ABCC8: variants seen among roughly 807,000 people sequenced by gnomAD.
The protein encoded by ABCC8 is ATP-binding cassette sub-family C member 8.
Under a neutral mutation model 188.0 loss-of-function variants are expected in ABCC8, and 137 were observed. That is an observed-to-expected ratio of 0.73 (90% CI 0.63 to 0.84). The LOEUF (loss-of-function observed/expected upper bound fraction) is 0.84. Ranked by LOEUF, ABCC8 falls within the 40% of genes least tolerant of loss-of-function variation. The pLI, the probability that ABCC8 is intolerant of heterozygous loss-of-function variation, is 0.00. For missense variants in ABCC8, 1,750 were observed against 2,072.7 expected, an observed-to-expected ratio of 0.84 and a Z score of 3.02; for synonymous variants, 797 against 846.5, an observed-to-expected ratio of 0.94 and a Z score of 1.01.
In ABCC8 at chr11:17,467,087, A is replaced by ACACACAC. The variant is rs1404390064; in HGVS notation, c.412+3013_412+3014insGTGTGTG. On this transcript the variant is annotated intron_variant, in intron 3 of 38. Coordinates refer to ENST00000389817, the MANE Select transcript of ABCC8 (RefSeq NM_000352.6). ...ACACACACACACACACACACACACA[A>ACACACAC]CTTCCCATTGCTGTTGGGATAAAGG... 6.3e-4 allele frequency among the ~76,000 whole-genome samples: 26 copies of ACACACAC among 41,320 alleles called. No homozygotes were observed. The East Asian group carries it at 0.022, about 35-fold the overall frequency. 27.1% of individuals were successfully genotyped at this position (41,320 alleles called of 152,430 possible).
intron 6 of ABCC8, 21 bp from the exon 7 acceptor site, chr11:17,453,304 G>T (rs1339207975): frequency 6.2e-6 from 10 of 1,613,756 alleles, no homozygotes; most frequent in Non-Finnish European, 5.1e-6. Flanking sequence ...GAGAAGTTCA[G>T]AGGTGACTGT....
intron 36 of ABCC8, 98 bp from the exon 37 acceptor site, chr11:17,394,497 A>T (rs1202104433): frequency 6.3e-7 from 1 of 1,583,102 alleles, no homozygotes; most frequent in Non-Finnish European, 8.6e-7. Flanking sequence ...AAATGTGTGC[A>T]TGGGGGCAAA....
At chr11:17,464,400 T>C (rs1348625717) in intron 3 of ABCC8, among the ~76,000 whole-genome samples, 1 of 152,212 alleles carries the variant, frequency 6.6e-6, no homozygotes. Context: ...TTAGTGGTGG[T>C]GGCTCCGCAG....
At chr11:17,416,837 C>T in intron 17 of ABCC8, 93 bp downstream of exon 17, 1 of 1,537,562 alleles carries the variant, frequency 6.5e-7, no homozygotes, top group African/African-American at 1.4e-5. Flanking sequence ...TCCCTGAATC[C>T]ATACTCAGCA....
At chr11:17,435,810 G>A in intron 10 of ABCC8, 2 of 1,278,948 alleles carry the variant, frequency 1.6e-6, no homozygotes, top group Non-Finnish European at 2.3e-6. Context: ...TATGATACAT[G>A]AGAGGGAAGA....
At chr11:17,436,818 G>A (rs1409654072) in intron 10 of ABCC8, among the ~76,000 whole-genome samples, 1 of 152,166 alleles carries the variant, frequency 6.6e-6, no homozygotes, top group Non-Finnish European at 1.5e-5. Context: ...GCTGGGCACA[G>A]TGGCTCACGC....
At chr11:17,476,549 C>A (rs535123446) in intron 1 of ABCC8, 80 bp downstream of exon 1, 14 of 1,530,570 alleles carry the variant, frequency 9.1e-6, no homozygotes, top group Non-Finnish European at 1.2e-5. Flanking sequence ...AAGGGGACGC[C>A]GAGCGGTGCG....
At position 17,428,300 on chromosome 11, in the gene ABCC8, A is replaced by G. The variant is rs1955681663; in HGVS notation, c.2029T>C (p.Cys677Arg). ...GCAGCAGGACTCACCTGGACACAGC[A>G]GTTGTCAGCATCGCCATCTGCACTG... ...VPSADGDADN[C>R]CVQIMGGYFT... The change falls in exon 14 of 39, where the codon TGC (cysteine) becomes CGC (arginine). Residue 677 changes from cysteine to arginine, a missense_variant. Physicochemically the swap from Cys to Arg is radical, Grantham distance 180. Coordinates refer to ENST00000389817, the MANE Select transcript of ABCC8 (RefSeq NM_000352.6). The G allele has an allele frequency of 1.2e-6, 2 of 1,614,152 alleles. No individual in the cohort carries two copies. The highest frequency in any genetic ancestry group is 4.5e-5 in the East Asian group (2 of 44,866).
Position 17,404,553 on chromosome 11 carries a change from G to T in ABCC8, c.3516C>A (p.Ile1172=), listed in dbSNP as rs142155036. The change falls in exon 28 of 39, where the codon ATC becomes ATA. Residue 1172 remains isoleucine, a synonymous_variant. Coordinates refer to ENST00000389817, the MANE Select transcript of ABCC8 (RefSeq NM_000352.6). This position sits in a 1 kb window ranked among gnomAD's most constrained non-coding sequence, Gnocchi z 4.7. ...VFLVALLPLA[I]VCYFIQKYFR... is the part of the protein sequence containing the mutation. Reference sequence around the variant, plus strand: ...AGTACTTCTGGATGAAGTAGCACACGATGGCCAGGGGCAAGAGGGCCACGA... The same window carrying T: ...AGTACTTCTGGATGAAGTAGCACACTATGGCCAGGGGCAAGAGGGCCACGA... 7 of 1,614,064 alleles carry T rather than the reference G, an allele frequency of 4.3e-6. No individual in the cohort carries two copies. Among genetic ancestry groups the T allele is most frequent in the Non-Finnish European group, 5.9e-6 (7 of 1,179,994 alleles).
At chr11:17,411,717 G>A (rs1352942424) in intron 21 of ABCC8, among the ~76,000 whole-genome samples, 1 of 152,002 alleles carries the variant, frequency 6.6e-6, no homozygotes, top group Non-Finnish European at 1.5e-5. Flanking sequence ...AGTTTATGCC[G>A]CACAGTTTGG....
At chr11:17,457,719 A>G (rs1453239022) in intron 6 of ABCC8, among the ~76,000 whole-genome samples, 3 of 152,222 alleles carry the variant, frequency 2.0e-5, no homozygotes, top group Non-Finnish European at 4.4e-5. Context: ...GGCAAGTCAC[A>G]GACACTTTCA....
rs1056958382 is a variant in ABCC8, at chr11:17,427,453, A to T, written c.2117-299T>A. On this transcript the variant is annotated intron_variant, in intron 15 of 38. Coordinates refer to ENST00000389817, the MANE Select transcript of ABCC8 (RefSeq NM_000352.6). The surrounding 1 kb of genome is among the most constrained non-coding windows in gnomAD (Gnocchi z 5.0). ...CCCAGGCTCCTTGTGGTCCCAAGAA[A>T]CACCATCCTGGGTCCCACCTCCAAC... 1.3e-5 allele frequency among the ~76,000 whole-genome samples: 2 copies of T among 152,022 alleles called. No individual in the cohort carries two copies. Among genetic ancestry groups the T allele is most frequent in the African/African-American group, 4.8e-5 (2 of 41,362 alleles).
chr11:17,397,707 G>A lies in ABCC8; in HGVS notation c.3844C>T (p.Leu1282=). 6.2e-7 allele frequency: 1 copy of A among 1,613,334 alleles called. No homozygotes were observed. The highest frequency in any genetic ancestry group is 8.5e-7 in the Non-Finnish European group (1 of 1,179,998). Reference sequence around the variant, plus strand: ...ACCATTAGGGCGTAGGTAAGGCCCAGGCCCACCAGGCCAGCAGAGAGCTCC... The same window carrying A: ...ACCATTAGGGCGTAGGTAAGGCCCAAGCCCACCAGGCCAGCAGAGAGCTCC... ...HRELSAGLVG[L]GLTYALMVSN... Residue 1282 remains leucine (L), a synonymous_variant, in exon 31 of 39, where the codon CTG becomes TTG. Coordinates refer to ENST00000389817, the MANE Select transcript of ABCC8 (RefSeq NM_000352.6).
intron 6 of ABCC8, among the ~76,000 whole-genome samples, chr11:17,455,166 A>G (rs747398623): frequency 7.9e-5 from 12 of 152,222 alleles, no homozygotes; most frequent in Non-Finnish European, 1.8e-4. Context: ...AAAAACCCAT[A>G]TAAATTTCCA....
chr11:17,421,157 T>G (rs940897137), intron 16 of ABCC8, among the ~76,000 whole-genome samples: 4 of 152,178 alleles, frequency 2.6e-5, no homozygotes, highest in African/African-American at 9.7e-5. Context: ...GCCTTTTCCT[T>G]TGTAGCCTAC....
At chr11:17,453,861 C>T (rs1229270679) in intron 6 of ABCC8, among the ~76,000 whole-genome samples, 1 of 152,166 alleles carries the variant, frequency 6.6e-6, no homozygotes, top group Non-Finnish European at 1.5e-5. Flanking sequence ...CTCCCAGGGC[C>T]TCCTGTTAAA....
rs1434043539 is a variant in ABCC8 at position 17,448,512 on chromosome 11, G to C, written c.1332+4C>G. The C allele has an allele frequency of 2.5e-6, 4 of 1,609,564 alleles. No homozygotes were observed. In the African/African-American group the frequency reaches 5.3e-5, roughly 22 times the overall value. ...CCCTCCCTTCCCCTCAGCCCATCTA[G>C]TACCTGTACTGGCATAGCCCAGAGG... On this transcript the variant is annotated splice_donor_region_variant and intron_variant, in intron 8 of 38. Coordinates refer to ENST00000389817, the MANE Select transcript of ABCC8 (RefSeq NM_000352.6).
chr11:17,421,380 G>A lies in ABCC8; in HGVS notation c.2223-4418C>T, dbSNP rs572030633. On this transcript the variant is annotated intron_variant, in intron 16 of 38. Coordinates refer to ENST00000389817, the MANE Select transcript of ABCC8 (RefSeq NM_000352.6). The stretch of plus-strand genomic sequence containing the variant: ...TGGGTTAGGAAACAGCTCGGACAAA[G>A]GCATGTGGAAAGGAGAGAGATGTCA... Among the ~76,000 whole-genome samples, 8 of 152,330 alleles carry A rather than the reference G, an allele frequency of 5.3e-5. No homozygotes were observed. In the South Asian group the frequency reaches 1.5e-3, roughly 28 times the overall value.
chr11:17,476,100 C>T (rs1199730361), intron 1 of ABCC8, among the ~76,000 whole-genome samples: 2 of 152,176 alleles, frequency 1.3e-5, no homozygotes, highest in Non-Finnish European at 2.9e-5. Flanking sequence ...GCCCAGGGCG[C>T]GGGCCTGGGA....
Sources: gnomAD v4.1 joint callset for allele counts (sites outside exome capture counted in the v4.1 genomes callset) on GRCh38, gnomAD v4.1.1 for gene constraint, Gnocchi (gnomAD v3.1) non-coding constraint, MANE v1.5 for transcripts, NCBI Gene and HGNC (gene_info 2026-07-23, HGNC 2026-07-21) for gene names.